Variants in CDC42SE2 observed in about 807,000 individuals in gnomAD.
CDC42SE2 encodes CDC42 small effector protein 2.
A neutral mutation model predicts 11.5 loss-of-function variants in CDC42SE2; 3 were observed. The observed-to-expected ratio is 0.26, with a 90% CI of 0.12 to 0.67. The LOEUF is 0.67. Ranked by LOEUF, CDC42SE2 falls within the 30% of genes least tolerant of loss-of-function variation. The probability of loss-of-function intolerance (pLI) is 0.80; values close to 1 mark genes in which losing one functional copy is unlikely to be tolerated. For synonymous variants in CDC42SE2, 33 were observed against 34.8 expected, an observed-to-expected ratio of 0.95 and a Z score of 0.18; for missense variants, 82 against 106.8, an observed-to-expected ratio of 0.77 and a Z score of 1.02.
At chr5:131,363,199 T>G (rs1695444138) in intron 3 of CDC42SE2, among the ~76,000 whole-genome samples, 1 of 151,692 alleles carries the variant, frequency 6.6e-6, no homozygotes, top group African/African-American at 2.4e-5. Context: ...CTTCACCAAC[T>G]TATTGAGCAT....
At chr5:131,271,755 T>C (rs1461140253) in intron 1 of CDC42SE2, among the ~76,000 whole-genome samples, 1 of 152,206 alleles carries the variant, frequency 6.6e-6, no homozygotes, top group Non-Finnish European at 1.5e-5. Context: ...TGCCTTAAAT[T>C]TGTGGTCCAC....
chr5:131,364,906 T>C (rs997479784), intron 3 of CDC42SE2, among the ~76,000 whole-genome samples: 1 of 152,202 alleles, frequency 6.6e-6, no homozygotes, highest in African/African-American at 2.4e-5. Context: ...TGGTTCAAGG[T>C]TACTTCAAGG....
chr5:131,346,183 T>C (rs1000402106), intron 2 of CDC42SE2, among the ~76,000 whole-genome samples: 4 of 152,092 alleles, frequency 2.6e-5, no homozygotes, highest in African/African-American at 4.8e-5. Context: ...GGGCTAAATG[T>C]TCCAATTAAA....
chr5:131,361,891 C>T (rs1749719801), intron 3 of CDC42SE2, among the ~76,000 whole-genome samples: 1 of 152,108 alleles, frequency 6.6e-6, no homozygotes, highest in Non-Finnish European at 1.5e-5. Context: ...CGTGTTCCCT[C>T]GACGTCTTTT....
intron 2 of CDC42SE2, among the ~76,000 whole-genome samples, chr5:131,325,765 G>C (rs913503895): frequency 3.9e-5 from 6 of 152,194 alleles, no homozygotes; most frequent in Non-Finnish European, 8.8e-5. Context: ...AGTTCTGTCA[G>C]CAATGTTGCC....
the CDC42SE2 span, among the ~76,000 whole-genome samples, chr5:131,224,367 T>A: frequency 6.6e-6 from 1 of 152,208 alleles, no homozygotes; most frequent in Non-Finnish European, 1.5e-5. Flanking sequence ...CTACCTCATC[T>A]GCAGCCTTCA....
rs1757325073 is a variant in CDC42SE2, at chr5:131,285,669, T to C, written c.-455+21503T>C. ...TTTTAGGCAGAAAGATATCTTATGG[T>C]AGGCAATTTGGTACTTACAAAATCA... On this transcript the variant is annotated intron_variant, in intron 1 of 4. Coordinates refer to ENST00000505065, the MANE Select transcript of CDC42SE2 (RefSeq NM_001375635.1). Among the ~76,000 whole-genome samples the C allele has an allele frequency of 5.9e-5, 9 of 152,308 alleles. 1 individual carries two copies. The South Asian group carries it at 1.7e-3, about 28-fold the overall frequency.
intron 1 of CDC42SE2, among the ~76,000 whole-genome samples, chr5:131,306,879 T>G (rs565626608): frequency 7.9e-4 from 120 of 152,250 alleles, no homozygotes; most frequent in African/African-American, 2.8e-3. Context: ...TTTCTTAATT[T>G]TTTTTCCAGA....
intron 1 of CDC42SE2, among the ~76,000 whole-genome samples, chr5:131,309,122 C>G (rs974611084): frequency 1.1e-4 from 16 of 152,144 alleles, no homozygotes; most frequent in African/African-American, 3.4e-4. Context: ...TACATCCCAT[C>G]AATACCTAAT....
chr5:131,342,077 C>T lies in CDC42SE2; in HGVS notation c.-285-17132C>T, dbSNP rs144786474. On this transcript the variant is annotated intron_variant, in intron 2 of 4. Coordinates refer to ENST00000505065, the MANE Select transcript of CDC42SE2 (RefSeq NM_001375635.1). ...TGGGCAGATCAGGAGGTCAGGAGAT[C>T]GAGACCATCCTGGCCAACATGGTGA... Among the ~76,000 whole-genome samples the T allele has an allele frequency of 3.8e-3, 582 of 151,778 alleles. 13 individuals carry two copies. The East Asian group carries it at 0.073, about 19-fold the overall frequency.
upstream of CDC42SE2, among the ~76,000 whole-genome samples, chr5:131,241,113 G>T (rs1417973392): frequency 6.6e-6 from 1 of 152,118 alleles, no homozygotes; most frequent in African/African-American, 2.4e-5. Context: ...TGAGTAGCTG[G>T]GACTACAGGC....
chr5:131,220,125 G>T, the CDC42SE2 span, among the ~76,000 whole-genome samples: 6 of 152,164 alleles, frequency 3.9e-5, no homozygotes, highest in Non-Finnish European at 7.3e-5. Context: ...GCATAATGCT[G>T]TGGTCATATG....
intron 1 of CDC42SE2, among the ~76,000 whole-genome samples, chr5:131,295,113 T>G: frequency 7.1e-6 from 1 of 140,680 alleles, no homozygotes; most frequent in Non-Finnish European, 1.6e-5. Context: ...GGTGGCAGAG[T>G]GAGACTAAGT....
At chr5:131,338,547 C>T (rs918679053) in intron 2 of CDC42SE2, among the ~76,000 whole-genome samples, 6 of 152,124 alleles carry the variant, frequency 3.9e-5, no homozygotes, top group African/African-American at 1.4e-4. Context: ...ATCCTGTTGG[C>T]AAATGAAGTT....
chr5:131,375,802 G>T lies in CDC42SE2; in HGVS notation c.55-9741G>T, dbSNP rs148781305. Among the ~76,000 whole-genome samples the T allele has an allele frequency of 4.1e-3, 630 of 152,220 alleles. 4 individuals carry two copies. The highest frequency in any genetic ancestry group is 0.013 in the African/African-American group (546 of 41,538). ...CTAAAACCTTGTTTCTCTTTCATTT[G>T]TCCCTTAACATATTAGAGATTTTTT... On this transcript the variant is annotated intron_variant, in intron 3 of 4. Transcript: ENST00000505065.
intron 2 of CDC42SE2, among the ~76,000 whole-genome samples, chr5:131,324,924 A>G (rs948854903): frequency 7.2e-5 from 11 of 152,228 alleles, no homozygotes; most frequent in African/African-American, 1.9e-4. Context: ...TTAAACTTTA[A>G]AAATCAAATG....
chr5:131,257,902 T>C (rs1327207980), intron 2 of CDC42SE2, among the ~76,000 whole-genome samples: 1 of 152,212 alleles, frequency 6.6e-6, no homozygotes, highest in African/African-American at 2.4e-5. Context: ...TGGTGCTTGC[T>C]GAATGGCTTC....
chr5:131,313,945 G>A (rs908314568), intron 1 of CDC42SE2, among the ~76,000 whole-genome samples: 4 of 151,894 alleles, frequency 2.6e-5, no homozygotes, highest in Non-Finnish European at 5.9e-5. Flanking sequence ...CTCCTGCCTC[G>A]GCCTTCCGAG....
chr5:131,247,369 A>G (rs1339156776), intron 1 of CDC42SE2, among the ~76,000 whole-genome samples: 4 of 152,214 alleles, frequency 2.6e-5, no homozygotes, highest in Non-Finnish European at 4.4e-5. Flanking sequence ...CTGTAATCTT[A>G]GCACTTTGGG....
Sources: allele counts gnomAD v4.1 joint callset (sites outside exome capture counted in the v4.1 genomes callset), GRCh38; gene constraint gnomAD v4.1.1; transcripts MANE v1.5; gene names NCBI Gene and HGNC (gene_info 2026-07-23, HGNC 2026-07-21).